WWTR1: variants seen among roughly 807,000 people sequenced by gnomAD.
The protein encoded by WWTR1 is WW domain containing transcription regulator 1.
WWTR1 carries 13 observed loss-of-function variants against 40.1 expected under a neutral mutation model. The ratio of observed to expected loss-of-function variants is 0.32; its 90% confidence interval spans 0.21 to 0.52. WWTR1 has a LOEUF of 0.52. Ranked by LOEUF, WWTR1 falls within the 20% of genes least tolerant of loss-of-function variation. The pLI is 0.97. For synonymous variants in WWTR1, 230 were observed against 210.1 expected (o/e 1.09, Z -0.82); for missense variants, 436 against 523.1 (o/e 0.83, Z 1.63).
intron 1 of WWTR1, among the ~76,000 whole-genome samples, chr3:149,679,202 T>C (rs1414244284): frequency 6.6e-6 from 1 of 152,218 alleles, no homozygotes; most frequent in East Asian, 1.9e-4. Context: ...GTTGTTGTTT[T>C]CCTCTCTGAC....
intron 2 of WWTR1, among the ~76,000 whole-genome samples, chr3:149,625,008 T>C (rs1740478569): frequency 6.6e-6 from 1 of 151,530 alleles, no homozygotes; most frequent in Non-Finnish European, 1.5e-5. Context: ...TGGGATTATA[T>C]GTGTGAGCCA....
At chr3:149,568,154 G>T (rs1737421348) in intron 3 of WWTR1, among the ~76,000 whole-genome samples, 1 of 152,216 alleles carries the variant, frequency 6.6e-6, no homozygotes, top group African/African-American at 2.4e-5. Context: ...GGGAGGCTGA[G>T]ATGGGCGGAT....
rs887463251 is a variant in WWTR1 at position 149,564,393 on chromosome 3, C to T, written c.568+8471G>A. The stretch of plus-strand genomic sequence containing the variant: ...GAGGCCTGAGCATTCTTGGTTTTGT[C>T]TTTAATACACATGGGGCCTGGAGCC... On this transcript the variant is annotated intron_variant, in intron 3 of 6. Transcript: ENST00000360632. 9.9e-5 allele frequency among the ~76,000 whole-genome samples: 15 copies of T among 152,162 alleles called. No individual in the cohort carries two copies. The East Asian group carries it at 1.5e-3, about 16-fold the overall frequency.
In WWTR1 at chr3:149,520,289, T is replaced by C. The variant is rs1277024403; in HGVS notation, c.*516A>G. On this transcript the variant is annotated 3_prime_UTR_variant, in exon 7 of 7. Coordinates refer to ENST00000360632, the MANE Select transcript of WWTR1 (RefSeq NM_015472.6). ...TATTCCATACAGTAGAATTTTACTATCCATACAATGATTTTTAAAGCTCAA... is the reference window on the plus strand; with the variant it reads ...TATTCCATACAGTAGAATTTTACTACCCATACAATGATTTTTAAAGCTCAA... 6.6e-6 allele frequency: 1 copy of C among 152,296 alleles called. No individual in the cohort carries two copies. The highest frequency in any genetic ancestry group is 1.9e-4 in the East Asian group (1 of 5,206). 9.4% of individuals were successfully genotyped at this position (152,296 alleles called of 1,614,324 possible). A position where few individuals can be genotyped will look rare whatever the true frequency, so the allele number is the denominator to read the frequency against.
At chr3:149,670,011 A>T (rs1321416966) in intron 1 of WWTR1, 1 of 152,338 alleles carries the variant, frequency 6.6e-6, no homozygotes, top group East Asian at 1.9e-4. Flanking sequence ...GAAAAGTCTC[A>T]GCCCCGACCA....
chr3:149,671,375 A>G (rs903143299), intron 1 of WWTR1, among the ~76,000 whole-genome samples: 2 of 152,186 alleles, frequency 1.3e-5, no homozygotes, highest in African/African-American at 4.8e-5. Context: ...CCCTGCTTGT[A>G]CATTCAGCCC....
chr3:149,690,347 AC>A (rs1714783663), intron 1 of WWTR1, among the ~76,000 whole-genome samples: 1 of 152,120 alleles, frequency 6.6e-6, no homozygotes, highest in African/African-American at 2.4e-5. Flanking sequence ...TAAAAACAAG[AC>A]CCAATTATCT....
intron 1 of WWTR1, among the ~76,000 whole-genome samples, chr3:149,690,535 A>G (rs1714789092): frequency 6.6e-6 from 1 of 152,188 alleles, no homozygotes; most frequent in Non-Finnish European, 1.5e-5. Flanking sequence ...TTATATAATG[A>G]TAAAGGCATC....
At chr3:149,701,217 T>G (rs1227850408) in intron 1 of WWTR1, among the ~76,000 whole-genome samples, 1 of 152,244 alleles carries the variant, frequency 6.6e-6, no homozygotes, top group African/African-American at 2.4e-5. Context: ...CGATGATTCT[T>G]AAAAGAGAAA....
intron 2 of WWTR1, among the ~76,000 whole-genome samples, chr3:149,655,188 T>A (rs1713134783): frequency 1.3e-5 from 2 of 151,816 alleles, no homozygotes; most frequent in Admixed American, 1.3e-4. Context: ...CTCAAGCCTG[T>A]AATCCCAGCA....
chr3:149,543,333 A>T (rs536797484), intron 3 of WWTR1, among the ~76,000 whole-genome samples: 6 of 152,308 alleles, frequency 3.9e-5, no homozygotes, highest in African/African-American at 1.4e-4. Context: ...CTGTAATCCC[A>T]GCACTTTGGA....
intron 1 of WWTR1, among the ~76,000 whole-genome samples, chr3:149,688,515 C>T (rs1449261663): frequency 6.6e-6 from 1 of 152,204 alleles, no homozygotes; most frequent in Non-Finnish European, 1.5e-5. Context: ...CAGTTCTTAT[C>T]TAAGACTACC....
chr3:149,636,989 A>AAG (rs1711859299), intron 2 of WWTR1, among the ~76,000 whole-genome samples: 9 of 150,772 alleles, frequency 6.0e-5, no homozygotes, highest in African/African-American at 1.2e-4. Context: ...AAAAAAAAAA[A>AAG]AGAGAGAAGT....
At chr3:149,704,907 A>C (rs1715291533), upstream of WWTR1, among the ~76,000 whole-genome samples, 1 of 151,974 alleles carries the variant, frequency 6.6e-6, no homozygotes, top group South Asian at 2.1e-4. Context: ...AAAATTAGAG[A>C]GGAAACAAAG....
intron 3 of WWTR1, among the ~76,000 whole-genome samples, chr3:149,544,849 C>T (rs897814361): frequency 1.3e-5 from 2 of 152,064 alleles, no homozygotes; most frequent in Admixed American, 6.6e-5. Context: ...AGGAAGGGCT[C>T]GAGGAAAGCC....
intron 1 of WWTR1, among the ~76,000 whole-genome samples, chr3:149,684,477 A>G (rs1003958156): frequency 7.9e-5 from 12 of 152,248 alleles, no homozygotes; most frequent in Admixed American, 4.6e-4. Context: ...AAAACAAATC[A>G]GTGTGTCTGG....
At chr3:149,669,075 AG>A (rs1713957736) in intron 2 of WWTR1, among the ~76,000 whole-genome samples, 1 of 152,184 alleles carries the variant, frequency 6.6e-6, no homozygotes. Flanking sequence ...ACAGAGTCCA[AG>A]TTTTTACCTT....
At chr3:149,676,016 A>C (rs1714246085) in intron 1 of WWTR1, among the ~76,000 whole-genome samples, 1 of 152,130 alleles carries the variant, frequency 6.6e-6, no homozygotes, top group African/African-American at 2.4e-5. Context: ...AGAACTCAAA[A>C]TTTCAATGCA....
chr3:149,699,214 G>A (rs905760310), intron 1 of WWTR1, among the ~76,000 whole-genome samples: 15 of 151,756 alleles, frequency 9.9e-5, no homozygotes. Context: ...GATTGTGGGT[G>A]ATTAGAAGCA....
Sources: allele counts gnomAD v4.1 joint callset (sites outside exome capture counted in the v4.1 genomes callset), GRCh38; gene constraint gnomAD v4.1.1; transcripts MANE v1.5; gene names NCBI Gene and HGNC (gene_info 2026-07-23, HGNC 2026-07-21).